The following OTOF variants were observed in gnomAD, a reference collection of about 807,000 sequenced individuals.
The protein encoded by OTOF is otoferlin, also known as fer-1-like family member 2.
OTOF carries 218 observed loss-of-function variants against 236.8 expected under a neutral mutation model. That is an observed-to-expected ratio of 0.92 (90% CI 0.82 to 1.03). The LOEUF is 1.03. Ranked by LOEUF, OTOF falls within the 50% of genes least tolerant of loss-of-function variation. OTOF has a pLI of 0.00. For missense variants in OTOF, 2,590 were observed against 2,694.4 expected (o/e 0.96, Z 0.86); for synonymous variants, 1,041 against 1,072.5 (o/e 0.97, Z 0.57).
At chr2:26,522,566 T>C (rs976680343) in intron 3 of OTOF, among the ~76,000 whole-genome samples, 1 of 152,194 alleles carries the variant, frequency 6.6e-6, no homozygotes, top group African/African-American at 2.4e-5. Flanking sequence ...CTTACTCCTC[T>C]GCATGGGTCA....
rs1225788010 is a variant in OTOF, at chr2:26,460,596, A to G, written c.5813+51T>C. ...CTGGGGATCGTCTCCTTCCTGTTCC[A>G]GCGCCTCCAAGAGCCAGAGTGGGGA... On this transcript the variant is annotated intron_variant, in intron 45 of 46. Transcript: ENST00000272371. The surrounding 1 kb of genome is among the most constrained non-coding windows in gnomAD (Gnocchi z 5.3). 2.1e-6 allele frequency: 3 copies of G among 1,416,376 alleles called. No individual in the cohort carries two copies. The highest frequency in any genetic ancestry group is 3.0e-6 in the Non-Finnish European group (3 of 1,003,478). 87.7% of individuals were successfully genotyped at this position (1,416,376 alleles called of 1,614,324 possible). A position where few individuals can be genotyped will look rare whatever the true frequency, so the allele number is the denominator to read the frequency against.
Position 26,473,658 on chromosome 2 carries a change from G to T in OTOF, c.3409-91C>A. The T allele has an allele frequency of 7.5e-7, 1 of 1,341,084 alleles. No individual in the cohort carries two copies. Among genetic ancestry groups the T allele is most frequent in the Non-Finnish European group, 1.0e-6 (1 of 980,966 alleles). 83.1% of individuals were successfully genotyped at this position (1,341,084 alleles called of 1,614,324 possible). A position where few individuals can be genotyped will look rare whatever the true frequency, so the allele number is the denominator to read the frequency against. On this transcript the variant is annotated intron_variant, in intron 27 of 46. Transcript: ENST00000272371. The surrounding 1 kb of genome is among the most constrained non-coding windows in gnomAD (Gnocchi z 7.2). ...GTGCTGGACCATCCAATAGGGAACC[G>T]GGCAGTGGGATGGGCAGTAGTTCAC...
intron 2 of OTOF, among the ~76,000 whole-genome samples, chr2:26,531,938 C>A (rs943144285): frequency 3.3e-4 from 50 of 151,764 alleles, no homozygotes; most frequent in African/African-American, 1.2e-3. Flanking sequence ...TACTAAAATA[C>A]AAAAATTAGC....
At chr2:26,546,519 C>T (rs1667337686) in intron 1 of OTOF, among the ~76,000 whole-genome samples, 1 of 151,824 alleles carries the variant, frequency 6.6e-6, no homozygotes, top group Admixed American at 6.6e-5. Flanking sequence ...CAGGGGTCAG[C>T]TGTGGTGTGA....
intron 30 of OTOF, 144 bp downstream of exon 30, chr2:26,472,375 C>T: frequency 2.0e-6 from 2 of 1,008,216 alleles, no homozygotes; most frequent in Non-Finnish European, 3.2e-6. Context: ...TTTGGACACA[C>T]AATCAAGCTC....
At chr2:26,556,931 A>C (rs1478042619) in intron 1 of OTOF, among the ~76,000 whole-genome samples, 1 of 152,192 alleles carries the variant, frequency 6.6e-6, no homozygotes, top group African/African-American at 2.4e-5. Flanking sequence ...GCTTTTTCTA[A>C]AGCCAGCATG....
intron 1 of OTOF, among the ~76,000 whole-genome samples, chr2:26,549,595 G>A (rs1667410394): frequency 6.6e-6 from 1 of 152,096 alleles, no homozygotes; most frequent in Non-Finnish European, 1.5e-5. Context: ...TCCACAAATT[G>A]TACTAAAATA....
chr2:26,549,679 A>G (rs938520227), intron 1 of OTOF, among the ~76,000 whole-genome samples: 1 of 152,236 alleles, frequency 6.6e-6, no homozygotes, highest in Non-Finnish European at 1.5e-5. Flanking sequence ...ATGGAAACTT[A>G]GGCTTGGGTC....
intron 1 of OTOF, among the ~76,000 whole-genome samples, chr2:26,541,955 T>G (rs1156761212): frequency 1.3e-5 from 2 of 152,166 alleles, no homozygotes; most frequent in African/African-American, 2.4e-5. Context: ...TGAAATAAAC[T>G]CCTCCCTGAG....
intron 1 of OTOF, among the ~76,000 whole-genome samples, chr2:26,553,180 C>G (rs977165539): frequency 1.5e-4 from 23 of 152,186 alleles, no homozygotes; most frequent in Non-Finnish European, 2.5e-4. Flanking sequence ...AATCACTCAG[C>G]AGGCCCACTG....
rs780543724 is a variant in OTOF at position 26,483,626 on chromosome 2, C to A, written c.1228G>T (p.Val410Leu). 6.2e-7 allele frequency: 1 copy of A among 1,612,406 alleles called. No homozygotes were observed. The change falls in exon 13 of 47, where the codon GTG becomes TTG. Residue 410 changes from valine (V) to leucine (L), a missense_variant. Coordinates refer to ENST00000272371, the MANE Select transcript of OTOF (RefSeq NM_194248.3). ...CGGGCCCACTGGCGTTCGGGGGGCA[C>A]CCCCTCGGGGAGCAGCAAGTTCCTG... is the stretch of plus-strand genomic sequence containing the variant. Reference protein sequence around the residue: ...IEGNLLLPEGVPPERQWARFY... With the variant: ...IEGNLLLPEGLPPERQWARFY...
intron 2 of OTOF, among the ~76,000 whole-genome samples, chr2:26,531,725 C>A (rs958488646): frequency 1.2e-4 from 19 of 152,076 alleles, no homozygotes; most frequent in African/African-American, 4.6e-4. Flanking sequence ...CACAGCAAGA[C>A]GAGATGAGGA....
chr2:26,494,416 G>A (rs1009579757), intron 9 of OTOF, among the ~76,000 whole-genome samples: 2 of 152,270 alleles, frequency 1.3e-5, no homozygotes, highest in South Asian at 2.1e-4. Context: ...CGCCAAGGGC[G>A]ATGCTGGCAC....
In OTOF at chr2:26,474,083, G is replaced by T. The variant is rs727505141; in HGVS notation, c.3316C>A (p.Pro1106Thr). The T allele has an allele frequency of 7.4e-6, 12 of 1,612,892 alleles. No homozygotes were observed. Among genetic ancestry groups the T allele is most frequent in the African/African-American group, 1.3e-5 (1 of 74,886 alleles). Reference protein sequence around the residue: ...QIGPAGKADLPPINGPVDVDR... With the variant: ...QIGPAGKADLTPINGPVDVDR... ...ACGTCCACCGGGCCATTGATGGGGGGCAGGTCAGCCTTCCCTGCTGGTCCA... is the reference window on the plus strand; with the variant it reads ...ACGTCCACCGGGCCATTGATGGGGGTCAGGTCAGCCTTCCCTGCTGGTCCA... The change falls in exon 27 of 47, where the codon CCC (proline) becomes ACC (threonine). Residue 1106 changes from proline to threonine, a missense_variant. Physicochemically the swap from Pro to Thr is conservative, Grantham distance 38 (BLOSUM62 -1). This residue lies in a region of OTOF where 1,211 missense variants were observed against 1,352.8 expected (regional missense o/e 0.90). Coordinates refer to ENST00000272371, the MANE Select transcript of OTOF (RefSeq NM_194248.3).
chr2:26,531,102 AG>A (rs1666936044), intron 2 of OTOF, among the ~76,000 whole-genome samples: 1 of 152,182 alleles, frequency 6.6e-6, no homozygotes. Flanking sequence ...TAGCACCCAG[AG>A]GCCCCCTTGC....
intron 1 of OTOF, among the ~76,000 whole-genome samples, chr2:26,545,178 A>C (rs903157912): frequency 3.9e-5 from 6 of 152,186 alleles, no homozygotes; most frequent in Non-Finnish European, 7.3e-5. Flanking sequence ...TTACTGTCAG[A>C]CTTTTACATT....
At chr2:26,498,584 G>A (rs1349436250) in intron 8 of OTOF, among the ~76,000 whole-genome samples, 1 of 152,212 alleles carries the variant, frequency 6.6e-6, no homozygotes, top group Admixed American at 6.5e-5. Flanking sequence ...GGCAAACGGA[G>A]CCACAGCTGG....
intron 2 of OTOF, among the ~76,000 whole-genome samples, chr2:26,533,804 A>T (rs1047217139): frequency 6.6e-6 from 1 of 151,858 alleles, no homozygotes; most frequent in Non-Finnish European, 1.5e-5. Context: ...ACTCGGCAAC[A>T]TTTTCTCAAC....
At chr2:26,544,001 G>A (rs921356337) in intron 1 of OTOF, among the ~76,000 whole-genome samples, 11 of 152,206 alleles carry the variant, frequency 7.2e-5, no homozygotes, top group Admixed American at 3.3e-4. Flanking sequence ...GATTATAGGC[G>A]TGGGCCACTG....
Sources: allele counts gnomAD v4.1 joint callset (sites outside exome capture counted in the v4.1 genomes callset), GRCh38; gene constraint gnomAD v4.1.1; regional missense constraint gnomAD v4.1.1; non-coding constraint Gnocchi (gnomAD v3.1); transcripts MANE v1.5; gene names NCBI Gene and HGNC (gene_info 2026-07-23, HGNC 2026-07-21).